Variants in ADAM23 observed in about 807,000 individuals in gnomAD.
The protein encoded by ADAM23 is disintegrin and metalloproteinase domain-containing protein 23.
Under a neutral mutation model 120.1 loss-of-function variants are expected in ADAM23, and 33 were observed. The ratio of observed to expected loss-of-function variants is 0.27; its 90% CI spans 0.21 to 0.37. The LOEUF is 0.37. Ranked by LOEUF, ADAM23 falls within the 10% of genes least tolerant of loss-of-function variation. The pLI, the probability that ADAM23 is intolerant of heterozygous loss-of-function variation, is 1.00. For synonymous variants in ADAM23, 367 were observed against 375.2 expected, an observed-to-expected ratio of 0.98 and a Z score of 0.25; for missense variants, 862 against 1,058.2, an observed-to-expected ratio of 0.81 and a Z score of 2.57.
At chr2:206,549,733 TATTTTATCACATTTTA>T (rs1697474248) in intron 8 of ADAM23, among the ~76,000 whole-genome samples, 1 of 152,082 alleles carries the variant, frequency 6.6e-6, no homozygotes, top group South Asian at 2.1e-4. Context: ...TAAATATGAA[TATTTTATCACATTTTA>T]ATGTGAAATT....
At chr2:206,472,296 G>T (rs889594060) in intron 2 of ADAM23, among the ~76,000 whole-genome samples, 6 of 152,104 alleles carry the variant, frequency 3.9e-5, no homozygotes, top group Non-Finnish European at 8.8e-5. Flanking sequence ...TTTCTCTTCA[G>T]CGTCCATCTT....
At chr2:206,607,587 T>C (rs1698751551) in intron 24 of ADAM23, among the ~76,000 whole-genome samples, 1 of 152,196 alleles carries the variant, frequency 6.6e-6, no homozygotes, top group African/African-American at 2.4e-5. Flanking sequence ...GCATTTGTTT[T>C]CATCAATCAT....
rs1175229504 is a variant in ADAM23, at chr2:206,571,592, A to G, written c.1567-135A>G. The G allele has an allele frequency of 6.0e-5, 36 of 599,312 alleles. No homozygotes were observed. The East Asian group carries it at 9.8e-4, about 16-fold the overall frequency. 37.1% of individuals were successfully genotyped at this position (599,312 alleles called of 1,614,324 possible). A position where few individuals can be genotyped will look rare whatever the true frequency, so the allele number is the denominator to read the frequency against. Reference sequence around the variant, plus strand: ...AAGGAATCTATCCTTGTTTAAAGTAATTAATTCTTTCCCAGAATATTTGCT... The same window carrying G: ...AAGGAATCTATCCTTGTTTAAAGTAGTTAATTCTTTCCCAGAATATTTGCT... On this transcript the variant is annotated intron_variant, in intron 16 of 25. Coordinates refer to ENST00000264377, the MANE Select transcript of ADAM23 (RefSeq NM_003812.4).
rs1313342943 is a variant in ADAM23, at chr2:206,530,965, C to T, written c.573+17C>T. On this transcript the variant is annotated intron_variant, in intron 4 of 25. Coordinates refer to ENST00000264377, the MANE Select transcript of ADAM23 (RefSeq NM_003812.4). ...TACTCTAAGGTACGGTTACCGGCGT[C>T]GGCAAGTACTCTAGTATAAGTGTGC... is the stretch of plus-strand genomic sequence containing the variant. The T allele has an allele frequency of 6.2e-6, 10 of 1,609,590 alleles. No individual in the cohort carries two copies. Among genetic ancestry groups the T allele is most frequent in the East Asian group, 2.2e-5 (1 of 44,838 alleles).
Position 206,559,969 on chromosome 2 carries a change from G to C in ADAM23, c.1020G>C (p.Gln340His), listed in dbSNP as rs577498201. 3.1e-6 allele frequency: 5 copies of C among 1,613,558 alleles called. No homozygotes were observed. In the African/African-American group the frequency reaches 6.7e-5, roughly 22 times the overall value. Residue 340 changes from glutamine (Q) to histidine (H), a missense_variant, in exon 11 of 26, where the codon CAG becomes CAC. This residue lies in a region of ADAM23 where 617 missense variants were observed against 813.5 expected (regional missense o/e 0.76). Coordinates refer to ENST00000264377, the MANE Select transcript of ADAM23 (RefSeq NM_003812.4). Reference protein sequence around the residue: ...VNLVDSIYKEQLNTRVVLVAV... With the variant: ...VNLVDSIYKEHLNTRVVLVAV... Reference sequence around the variant, plus strand: ...TATACCCTCAGATTTACAAGGAGCAGCTCAACACCAGGGTTGTCCTGGTGG... The same window carrying C: ...TATACCCTCAGATTTACAAGGAGCACCTCAACACCAGGGTTGTCCTGGTGG...
At chr2:206,470,147 A>G (rs1378113693) in intron 2 of ADAM23, among the ~76,000 whole-genome samples, 1 of 152,138 alleles carries the variant, frequency 6.6e-6, no homozygotes, top group South Asian at 2.1e-4. Context: ...GACACACGTG[A>G]TTATTTGCTT....
intron 18 of ADAM23, among the ~76,000 whole-genome samples, chr2:206,586,092 G>A (rs1698316110): frequency 6.6e-6 from 1 of 152,184 alleles, no homozygotes; most frequent in South Asian, 2.1e-4. Context: ...CAGCATGACT[G>A]GTGTGTCCAC....
chr2:206,596,344 G>A lies in ADAM23; in HGVS notation c.2359+182G>A, dbSNP rs560490745. ...TTCTGATATATCATATTTTTAAAAT[G>A]TGTTTGAATTACTTCTTAGTCTAGA... is the stretch of plus-strand genomic sequence containing the variant. On this transcript the variant is annotated intron_variant, in intron 24 of 25. Coordinates refer to ENST00000264377, the MANE Select transcript of ADAM23 (RefSeq NM_003812.4). Among the ~76,000 whole-genome samples, 16 of 152,288 alleles carry A rather than the reference G, an allele frequency of 1.1e-4. No individual in the cohort carries two copies. The South Asian group carries it at 3.3e-3, about 32-fold the overall frequency.
At chr2:206,490,512 G>A (rs1696111573) in intron 3 of ADAM23, among the ~76,000 whole-genome samples, 1 of 152,142 alleles carries the variant, frequency 6.6e-6, no homozygotes, top group Non-Finnish European at 1.5e-5. Flanking sequence ...AACTGTTTTG[G>A]TAGTTTTGAA....
chr2:206,549,031 T>G (rs2105812683), intron 8 of ADAM23, among the ~76,000 whole-genome samples: 1 of 152,252 alleles, frequency 6.6e-6, no homozygotes. Context: ...GACTGTTTAG[T>G]AATTACATGG....
At position 206,542,109 on chromosome 2, in the gene ADAM23, G is replaced by C; in HGVS notation, c.631G>C (p.Ala211Pro). The change falls in exon 5 of 26, where the codon GCT becomes CCT. Residue 211 changes from alanine (A) to proline (P), a missense_variant. By Grantham distance (27) the Ala-to-Pro change is conservative. Around this residue, in one of 4 missense-constraint regions of ADAM23, gnomAD observed 617 missense variants for 813.5 expected, o/e 0.76. Transcript: ENST00000264377. ...CAGAGGCGTCAAAGACTCCAAGGTG[G>C]CTCTGTCAACCTGCAATGGACTTCA... ...SIRGVKDSKV[A>P]LSTCNGLHGM... 6.2e-7 allele frequency: 1 copy of C among 1,614,140 alleles called. No individual in the cohort carries two copies.
At chr2:206,501,244 CTCT>C (rs1412980159) in intron 3 of ADAM23, among the ~76,000 whole-genome samples, 1 of 152,106 alleles carries the variant, frequency 6.6e-6, no homozygotes, top group East Asian at 1.9e-4. Context: ...ATTTTCGAAT[CTCT>C]TCTTATCCCT....
intron 3 of ADAM23, among the ~76,000 whole-genome samples, chr2:206,496,010 A>G (rs1015181428): frequency 3.9e-5 from 6 of 152,234 alleles, no homozygotes; most frequent in Non-Finnish European, 4.4e-5. Context: ...GCAAGTCCTT[A>G]GTGACCTACA....
intron 2 of ADAM23, among the ~76,000 whole-genome samples, chr2:206,458,227 C>CACAT (rs1695340180): frequency 2.0e-5 from 3 of 151,750 alleles, no homozygotes; most frequent in Non-Finnish European, 2.9e-5. Context: ...CCTTATCAAT[C>CACAT]GCACAGTGCC....
chr2:206,473,980 C>T (rs963230030), intron 2 of ADAM23, among the ~76,000 whole-genome samples: 3 of 149,176 alleles, frequency 2.0e-5, no homozygotes, highest in African/African-American at 5.0e-5. Flanking sequence ...CCACTCCACA[C>T]CAACTTGGGC....
At chr2:206,497,764 A>T (rs1333258837) in intron 3 of ADAM23, among the ~76,000 whole-genome samples, 1 of 152,204 alleles carries the variant, frequency 6.6e-6, no homozygotes, top group Non-Finnish European at 1.5e-5. Context: ...CCATCATCTC[A>T]GCCCAAAATC....
Position 206,466,337 on chromosome 2 carries a change from C to A in ADAM23, c.433-14895C>A, listed in dbSNP as rs948951246. On this transcript the variant is annotated intron_variant, in intron 2 of 25. Coordinates refer to ENST00000264377, the MANE Select transcript of ADAM23 (RefSeq NM_003812.4). ...AAAGTGATGCTCTTGGACTTGAATT[C>A]TTTTTGGGAAGTTTATAGTGCATAA... is the stretch of plus-strand genomic sequence containing the variant. 3.3e-5 allele frequency among the ~76,000 whole-genome samples: 5 copies of A among 152,076 alleles called. No individual in the cohort carries two copies. In the East Asian group the frequency reaches 7.7e-4, roughly 23 times the overall value.
intron 2 of ADAM23, among the ~76,000 whole-genome samples, chr2:206,480,469 T>C (rs1250481166): frequency 6.6e-6 from 1 of 151,986 alleles, no homozygotes; most frequent in Non-Finnish European, 1.5e-5. Flanking sequence ...TTCTTTTTTT[T>C]TTTTTTTCCT....
In ADAM23 at chr2:206,617,792, C is replaced by G. The variant is rs1177528518; in HGVS notation, c.*165C>G. On this transcript the variant is annotated 3_prime_UTR_variant, in exon 26 of 26. Transcript: ENST00000264377. ...AGGATGGGGTAAAAGAAAACTGTCT[C>G]TTTTGGAAATAATGTCAAAGAACAC... 4 of 1,389,002 alleles carry G rather than the reference C, an allele frequency of 2.9e-6. No homozygotes were observed. The East Asian group carries it at 1.1e-4, about 38-fold the overall frequency. The allele number at this position is 1,389,002 out of a possible 1,614,324, so 86.0% of individuals were successfully genotyped here.
Sources: allele counts gnomAD v4.1 joint callset (sites outside exome capture counted in the v4.1 genomes callset), GRCh38; gene constraint gnomAD v4.1.1; regional missense constraint gnomAD v4.1.1; transcripts MANE v1.5; gene names NCBI Gene and HGNC (gene_info 2026-07-23, HGNC 2026-07-21).